The following DACH2 variants were observed in gnomAD, a reference collection of about 807,000 sequenced individuals.
DACH2 encodes the protein dachshund family transcription factor 2.
Under a neutral mutation model 35.8 loss-of-function variants are expected in DACH2, and 17 were observed. That is an observed-to-expected ratio of 0.48 (90% CI 0.33 to 0.71). The LOEUF (loss-of-function observed/expected upper bound fraction) is 0.71, where lower values mean the gene tolerates loss of function less well. Among genes scored for constraint, DACH2 ranks in the 30% least tolerant of loss-of-function variants. The probability of loss-of-function intolerance (pLI) is 0.02; values close to 1 mark genes in which losing one functional copy is unlikely to be tolerated. For synonymous variants in DACH2, 195 were observed against 177.3 expected (o/e 1.10, Z -0.79); for missense variants, 469 against 472.7 (o/e 0.99, Z 0.07).
chrX:86,337,298 A>T (rs1005996330), intron 1 of DACH2, among the ~76,000 whole-genome samples: 10 of 112,024 alleles, frequency 8.9e-5, no homozygotes, highest in Non-Finnish European at 1.9e-4. Context: ...GGTTGAAATG[A>T]AGGATAAAAT....
intron 1 of DACH2, among the ~76,000 whole-genome samples, chrX:86,180,175 CGT>C (rs2031433318): frequency 1.3e-4 from 2 of 15,594 alleles, no homozygotes; most frequent in African/African-American, 4.8e-4. Context: ...CATGCTAAAC[CGT>C]ATATATATAT....
At chrX:86,331,075 G>A (rs1368212173) in intron 1 of DACH2, among the ~76,000 whole-genome samples, 1 of 111,418 alleles carries the variant, frequency 9.0e-6, no homozygotes, top group Non-Finnish European at 1.9e-5. Flanking sequence ...CAAACCAGTT[G>A]GACTGTAAAG....
intron 3 of DACH2, among the ~76,000 whole-genome samples, chrX:86,624,265 A>C (rs989617937): frequency 9.0e-6 from 1 of 111,175 alleles, no homozygotes; most frequent in African/African-American, 3.3e-5. Flanking sequence ...CTATCAGTTC[A>C]TGTAGAACTT....
intron 1 of DACH2, among the ~76,000 whole-genome samples, chrX:86,275,523 CT>C (rs1041521165): frequency 9.0e-6 from 1 of 111,598 alleles, no homozygotes; most frequent in African/African-American, 3.3e-5. Flanking sequence ...TGTCCATCCC[CT>C]CAAGCACTTA....
chrX:86,302,072 TAATGCATGAAGAAAAA>T, intron 1 of DACH2, among the ~76,000 whole-genome samples: 1 of 112,008 alleles, frequency 8.9e-6, no homozygotes, highest in Non-Finnish European at 1.9e-5. Context: ...GTCTTGTACT[TAATGCATGAAGAAAAA>T]AATGAAAGGA....
At chrX:86,260,926 G>A (rs759073909) in intron 1 of DACH2, among the ~76,000 whole-genome samples, 7 of 111,914 alleles carry the variant, frequency 6.3e-5, no homozygotes, top group Admixed American at 9.5e-5. Context: ...AAAATTGGAA[G>A]GTCTAATCCA....
chrX:86,774,338 A>G (rs1202792525), intron 7 of DACH2, among the ~76,000 whole-genome samples: 2 of 111,861 alleles, frequency 1.8e-5, no homozygotes, highest in Non-Finnish European at 3.8e-5. Flanking sequence ...GTTTCCTTTC[A>G]TCTGTTGAAA....
chrX:86,284,891 T>C (rs2034114303), intron 1 of DACH2, among the ~76,000 whole-genome samples: 2 of 111,644 alleles, frequency 1.8e-5, no homozygotes, highest in African/African-American at 3.3e-5. Context: ...GTTTAGGAAG[T>C]TGTCCATTTC....
chrX:86,459,938 A>G (rs1418571322), intron 2 of DACH2, among the ~76,000 whole-genome samples: 1 of 111,110 alleles, frequency 9.0e-6, no homozygotes, highest in Admixed American at 9.7e-5. Context: ...AGTGATTTTC[A>G]AAATGTGTTT....
chrX:86,786,715 T>A (rs2042140860), intron 7 of DACH2, among the ~76,000 whole-genome samples: 1 of 112,410 alleles, frequency 8.9e-6, no homozygotes, highest in Admixed American at 9.4e-5. Context: ...AAAATATTTC[T>A]AATTTAATGA....
chrX:86,808,582 C>T (rs746785728), intron 7 of DACH2, among the ~76,000 whole-genome samples: 18 of 108,963 alleles, frequency 1.7e-4, no homozygotes, highest in African/African-American at 6.0e-4. Flanking sequence ...TGTAATTGTT[C>T]CTCAGTTTGT....
intron 1 of DACH2, among the ~76,000 whole-genome samples, chrX:86,328,694 T>C (rs1313955180): frequency 8.9e-6 from 1 of 111,773 alleles, no homozygotes; most frequent in Non-Finnish European, 1.9e-5. Context: ...TCCATTTGGG[T>C]TTGAGAGGAT....
intron 3 of DACH2, among the ~76,000 whole-genome samples, chrX:86,579,299 G>A (rs1190993378): frequency 9.0e-6 from 1 of 110,781 alleles, no homozygotes; most frequent in Non-Finnish European, 1.9e-5. Context: ...CACTGTGTTG[G>A]CCAGGCTGGT....
chrX:86,229,025 C>T (rs7057305), intron 1 of DACH2, among the ~76,000 whole-genome samples: 3,659 of 111,528 alleles, frequency 0.033, 147 homozygotes, highest in African/African-American at 0.11. Context: ...GCTTTTTGGT[C>T]ATGAACTCCT....
intron 2 of DACH2, among the ~76,000 whole-genome samples, chrX:86,455,221 G>A (rs2037453565): frequency 9.0e-6 from 1 of 110,880 alleles, no homozygotes; most frequent in African/African-American, 3.3e-5. Context: ...GGTGCCTGGA[G>A]ACCCATTTTT....
intron 1 of DACH2, among the ~76,000 whole-genome samples, chrX:86,205,506 T>TTCCG: frequency 1.4e-5 from 1 of 73,048 alleles, no homozygotes; most frequent in South Asian, 9.8e-4. Context: ...CCTTCCTTCC[T>TTCCG]TCCTTCCTTC....
intron 3 of DACH2, among the ~76,000 whole-genome samples, chrX:86,650,177 A>T (rs946037487): frequency 9.0e-6 from 1 of 110,500 alleles, no homozygotes; most frequent in Non-Finnish European, 1.9e-5. Flanking sequence ...ATCTATGGCC[A>T]TTACCCCACA....
intron 7 of DACH2, among the ~76,000 whole-genome samples, chrX:86,795,670 C>T (rs1464260184): frequency 4.5e-5 from 5 of 112,075 alleles, no homozygotes; most frequent in African/African-American, 1.3e-4. Context: ...AGAATGAAGC[C>T]GCGGACCCTC....
At position 86,644,401 on chromosome X, in the gene DACH2, A is replaced by T. The variant is rs1455203654; in HGVS notation, c.641-6635A>T. Among the ~76,000 whole-genome samples, 3 of 111,377 alleles carry T rather than the reference A, an allele frequency of 2.7e-5. No homozygotes were observed. In the Admixed American group the frequency reaches 2.9e-4, roughly 11 times the overall value. ...ATCTCTGCAATGAGGACTACAAAAC[A>T]CTGTTCAAATAAATCAGAGAAGACA... On this transcript the variant is annotated intron_variant, in intron 3 of 11. Coordinates refer to ENST00000373125, the MANE Select transcript of DACH2 (RefSeq NM_053281.3).
Sources: allele counts gnomAD v4.1 joint callset (sites outside exome capture counted in the v4.1 genomes callset), GRCh38; gene constraint gnomAD v4.1.1; transcripts MANE v1.5; gene names NCBI Gene and HGNC (gene_info 2026-07-23, HGNC 2026-07-21).